TOGARAM1: variants seen among roughly 807,000 people sequenced by gnomAD.
TOGARAM1 encodes TOG array regulator of axonemal microtubules 1, also known as TOG array regulator of axonemal microtubules protein 1.
TOGARAM1 carries 100 observed loss-of-function variants against 166.6 expected under a neutral mutation model. The ratio of observed to expected loss-of-function variants is 0.60; its 90% CI spans 0.51 to 0.71. The LOEUF (loss-of-function observed/expected upper bound fraction) is 0.71. TOGARAM1 is among the 30% of genes least tolerant of loss of function. TOGARAM1 has a pLI of 0.00. For synonymous variants in TOGARAM1, 758 were observed against 763.8 expected (o/e 0.99, Z 0.13); for missense variants, 2,029 against 2,102.7 (o/e 0.96, Z 0.69).
At chr14:45,054,628 C>A in intron 16 of TOGARAM1, 79 bp downstream of exon 16, 1 of 1,055,598 alleles carries the variant, frequency 9.5e-7, no homozygotes, top group Non-Finnish European at 1.4e-6. Context: ...TCATAAACTA[C>A]CCCAGGGGTA....
intron 18 of TOGARAM1, among the ~76,000 whole-genome samples, chr14:45,069,900 C>T (rs763702338): frequency 3.0e-4 from 46 of 152,026 alleles, no homozygotes; most frequent in Non-Finnish European, 5.3e-4. Flanking sequence ...AAAGATTATT[C>T]GGCCAGGCAC....
At chr14:45,059,659 A>AAAAACAAAACAAAAC (rs530739583) in intron 16 of TOGARAM1, among the ~76,000 whole-genome samples, 1 of 151,882 alleles carries the variant, frequency 6.6e-6, no homozygotes, top group African/African-American at 2.4e-5. Context: ...CTGTCTCAAA[A>AAAAACAAAACAAAAC]AAAACAAAAC....
chr14:44,993,868 CAG>C (rs1393122665), intron 1 of TOGARAM1, among the ~76,000 whole-genome samples: 5 of 152,146 alleles, frequency 3.3e-5, no homozygotes, highest in African/African-American at 7.2e-5. Context: ...GTTTGCTAAA[CAG>C]AAATTAATCA....
At chr14:44,978,338 T>G (rs1397774643) in intron 1 of TOGARAM1, 1 of 152,226 alleles carries the variant, frequency 6.6e-6, no homozygotes, top group East Asian at 1.9e-4. Flanking sequence ...GCTGATATTA[T>G]CATTTAGTCT....
At chr14:44,967,963 G>T (rs955946111) in intron 1 of TOGARAM1, among the ~76,000 whole-genome samples, 10 of 152,238 alleles carry the variant, frequency 6.6e-5, no homozygotes, top group Non-Finnish European at 1.5e-4. Context: ...TGCTTGTCAT[G>T]TGTCAAGTCT....
chr14:45,015,411 T>C (rs1880071907), intron 7 of TOGARAM1, among the ~76,000 whole-genome samples: 1 of 151,428 alleles, frequency 6.6e-6, no homozygotes, highest in African/African-American at 2.4e-5. Context: ...GAAGTATATA[T>C]AAAAATGGAC....
intron 9 of TOGARAM1, 49 bp downstream of exon 9, chr14:45,027,523 CAT>C: frequency 6.9e-7 from 1 of 1,449,294 alleles, no homozygotes; most frequent in Non-Finnish European, 9.4e-7. Flanking sequence ...TACAGTATGT[CAT>C]TGTTTTGTGT....
At chr14:45,058,383 G>A (rs919098147) in intron 16 of TOGARAM1, among the ~76,000 whole-genome samples, 11 of 149,154 alleles carry the variant, frequency 7.4e-5, no homozygotes, top group African/African-American at 1.2e-4. Context: ...CAACCTCCCC[G>A]TCCCAGGTTC....
At chr14:45,041,855 TG>T (rs983426308) in intron 11 of TOGARAM1, among the ~76,000 whole-genome samples, 62 of 152,308 alleles carry the variant, frequency 4.1e-4, no homozygotes, top group African/African-American at 1.5e-3. Context: ...TCGACCTCTG[TG>T]GGCTCAGGTG....
chr14:45,072,126 G>A (rs1883412186), intron 19 of TOGARAM1, among the ~76,000 whole-genome samples: 1 of 152,174 alleles, frequency 6.6e-6, no homozygotes, highest in Non-Finnish European at 1.5e-5. Context: ...TCCAAAGTTA[G>A]CAGTTGGCAG....
chr14:45,051,074 A>G (rs1194659771), intron 14 of TOGARAM1, among the ~76,000 whole-genome samples: 3 of 152,252 alleles, frequency 2.0e-5, no homozygotes, highest in Non-Finnish European at 4.4e-5. Context: ...ATGCACTTCC[A>G]TGATATCTGA....
chr14:45,066,625 A>G lies in TOGARAM1; in HGVS notation c.4607A>G (p.Asn1536Ser). The G allele has an allele frequency of 6.2e-7, 1 of 1,613,302 alleles. No homozygotes were observed. The highest frequency in any genetic ancestry group is 1.1e-5 in the South Asian group (1 of 90,980). The stretch of plus-strand genomic sequence containing the variant: ...GTCACCAGAAAATCAGTCCCTCGTA[A>G]TTCCTTAGAAAGTGCTGAGTACCTT... ...REVTRKSVPR[N>S]SLESAEYLKL... The change falls in exon 17 of 20, where the codon AAT becomes AGT. Residue 1536 changes from asparagine (N) to serine (S), a missense_variant. By Grantham distance (46) the Asn-to-Ser change is conservative (BLOSUM62 1). Around this residue, in one of 2 missense-constraint regions of TOGARAM1, gnomAD observed 576 missense variants for 670.5 expected, o/e 0.86. Coordinates refer to ENST00000361462, the MANE Select transcript of TOGARAM1 (RefSeq NM_001308120.2).
intron 1 of TOGARAM1, among the ~76,000 whole-genome samples, chr14:44,980,737 A>G (rs900154638): frequency 2.0e-5 from 3 of 152,166 alleles, no homozygotes; most frequent in Non-Finnish European, 4.4e-5. Context: ...CAGGGGCTAG[A>G]TTGGAGACTC....
chr14:44,997,507 A>G (rs1408264922), intron 2 of TOGARAM1: 2 of 151,968 alleles, frequency 1.3e-5, no homozygotes, highest in African/African-American at 4.8e-5. Context: ...AGAATGTGAG[A>G]AAGAAGTGTC....
chr14:44,975,001 T>TTGA (rs1011915143), intron 1 of TOGARAM1, among the ~76,000 whole-genome samples: 7 of 152,092 alleles, frequency 4.6e-5, no homozygotes, highest in African/African-American at 1.7e-4. Flanking sequence ...TTTTGATGAG[T>TTGA]GTAATTTTAT....
chr14:45,031,657 A>G (rs1021436318), intron 10 of TOGARAM1, among the ~76,000 whole-genome samples: 2 of 152,204 alleles, frequency 1.3e-5, no homozygotes, highest in African/African-American at 2.4e-5. Context: ...TGACTGAAAA[A>G]TTACTTGTAG....
intron 16 of TOGARAM1, among the ~76,000 whole-genome samples, chr14:45,065,283 A>T (rs750896762): frequency 6.6e-6 from 1 of 152,208 alleles, no homozygotes; most frequent in African/African-American, 2.4e-5. Context: ...TTTCAAAAGG[A>T]TGATCATCTA....
chr14:45,012,189 A>G, intron 7 of TOGARAM1, 114 bp downstream of exon 7: 1 of 623,250 alleles, frequency 1.6e-6, no homozygotes, highest in Non-Finnish European at 2.6e-6. Flanking sequence ...GGTTAAGACT[A>G]ATCATTTTTT....
chr14:45,044,928 G>C, intron 13 of TOGARAM1, 58 bp downstream of exon 13: 1 of 1,291,548 alleles, frequency 7.7e-7, no homozygotes, highest in Non-Finnish European at 1.1e-6. Context: ...GTTGCAATCG[G>C]GACTGTAGAA....
Sources: gnomAD v4.1 joint callset for allele counts (sites outside exome capture counted in the v4.1 genomes callset) on GRCh38, gnomAD v4.1.1 for gene constraint, gnomAD v4.1.1 regional missense constraint, MANE v1.5 for transcripts, NCBI Gene and HGNC (gene_info 2026-07-23, HGNC 2026-07-21) for gene names.